The following INTS9 variants were observed in gnomAD, a reference collection of about 807,000 sequenced individuals.
The protein encoded by INTS9 is integrator complex subunit 9.
Under a neutral mutation model 79.7 loss-of-function variants are expected in INTS9, and 55 were observed. The ratio of observed to expected loss-of-function variants is 0.69; its 90% confidence interval spans 0.56 to 0.86. INTS9 has a LOEUF of 0.86. INTS9 is among the 40% of genes least tolerant of loss of function. The probability of loss-of-function intolerance (pLI) is 0.00; values close to 1 mark genes in which losing one functional copy is unlikely to be tolerated. For synonymous variants in INTS9, 319 were observed against 325.2 expected (o/e 0.98, Z 0.20); for missense variants, 721 against 831.5 (o/e 0.87, Z 1.64).
intron 4 of INTS9, among the ~76,000 whole-genome samples, chr8:28,845,396 T>C (rs1228207965): frequency 6.6e-6 from 1 of 152,220 alleles, no homozygotes; most frequent in African/African-American, 2.4e-5. Context: ...CTATTACTAA[T>C]TTGTGCCCTA....
chr8:28,877,097 C>T (rs1373910599), intron 1 of INTS9, among the ~76,000 whole-genome samples: 2 of 151,936 alleles, frequency 1.3e-5, no homozygotes, highest in African/African-American at 4.8e-5. Flanking sequence ...TAAATTTATA[C>T]AAAATGTAAA....
chr8:28,775,316 C>T (rs747004530), intron 14 of INTS9, among the ~76,000 whole-genome samples: 7 of 152,124 alleles, frequency 4.6e-5, no homozygotes, highest in African/African-American at 7.2e-5. Context: ...CCCCTCTTCC[C>T]GGTTACTTGG....
intron 10 of INTS9, 111 bp from the exon 11 acceptor site, chr8:28,788,000 T>C (rs1585353598): frequency 3.5e-6 from 2 of 564,334 alleles, no homozygotes; most frequent in Non-Finnish European, 6.1e-6. Context: ...TTTAAAAATT[T>C]CCCGCCAGTG....
chr8:28,865,486 A>AG (rs1371439557), intron 1 of INTS9, among the ~76,000 whole-genome samples: 1 of 152,074 alleles, frequency 6.6e-6, no homozygotes, highest in East Asian at 1.9e-4. Context: ...AAAAAAAAAA[A>AG]AAGTAAAATT....
chr8:28,769,111 C>T (rs1802378347), intron 16 of INTS9, among the ~76,000 whole-genome samples: 1 of 152,166 alleles, frequency 6.6e-6, no homozygotes. Context: ...GAGCCTTTTT[C>T]CCTACGGGAA....
At chr8:28,775,616 T>TGA (rs1802818306) in intron 14 of INTS9, 143 bp downstream of exon 14, 14 of 903,834 alleles carry the variant, frequency 1.5e-5, no homozygotes, top group Non-Finnish European at 1.8e-5. Context: ...CCGCCCAAAG[T>TGA]GCTGGGATTA....
intron 6 of INTS9, among the ~76,000 whole-genome samples, chr8:28,827,482 A>C (rs1351240923): frequency 6.6e-6 from 1 of 152,232 alleles, no homozygotes; most frequent in Non-Finnish European, 1.5e-5. Flanking sequence ...GAACAAAATT[A>C]ATGTAAGGAC....
At chr8:28,778,613 G>C (rs370593194) in intron 12 of INTS9, among the ~76,000 whole-genome samples, 2 of 152,204 alleles carry the variant, frequency 1.3e-5, no homozygotes, top group Non-Finnish European at 2.9e-5. Context: ...CTCGCCCTCT[G>C]CTCAGCCTGT....
chr8:28,840,032 A>C (rs1432352312), intron 4 of INTS9, among the ~76,000 whole-genome samples: 2 of 145,656 alleles, frequency 1.4e-5, no homozygotes, highest in African/African-American at 5.1e-5. Context: ...AAATTTTCGC[A>C]ACCTACTCAT....
chr8:28,871,439 CTA>C (rs1809089417), intron 1 of INTS9, among the ~76,000 whole-genome samples: 1 of 152,138 alleles, frequency 6.6e-6, no homozygotes, highest in South Asian at 2.1e-4. Flanking sequence ...GGGTCTCACT[CTA>C]TTGCCCAGGC....
In INTS9 at chr8:28,813,515, G is replaced by A. The variant is rs758336516; in HGVS notation, c.586C>T (p.Leu196=). ...EVNSALSKIQ[L]VGYSQKIELF... is the part of the protein sequence containing the mutation. ...ACAATTTTCTGAGAATATCCCACCA[G>A]CTGGATTTTACTAAGGGCAGAGTTC... The change falls in exon 7 of 17, where the codon CTG becomes TTG. Residue 196 remains leucine, a synonymous_variant. Coordinates refer to ENST00000521022, the MANE Select transcript of INTS9 (RefSeq NM_018250.4). 1 of 1,613,412 alleles carries A rather than the reference G, an allele frequency of 6.2e-7. No individual in the cohort carries two copies. Among genetic ancestry groups the A allele is most frequent in the Non-Finnish European group, 8.5e-7 (1 of 1,179,488 alleles).
intron 8 of INTS9, chr8:28,797,121 C>T (rs1347764097): frequency 6.4e-6 from 1 of 155,054 alleles, no homozygotes; most frequent in Non-Finnish European, 1.4e-5. Context: ...GTTTCAGATT[C>T]AGGTTGGGGT....
intron 2 of INTS9, among the ~76,000 whole-genome samples, chr8:28,854,243 C>T (rs1339019852): frequency 6.6e-6 from 1 of 152,024 alleles, no homozygotes; most frequent in Non-Finnish European, 1.5e-5. Flanking sequence ...TCCATTCATT[C>T]ATTTATTCAA....
chr8:28,835,427 A>C, intron 5 of INTS9, 49 bp from the exon 6 acceptor site: 1 of 1,353,854 alleles, frequency 7.4e-7, no homozygotes, highest in Non-Finnish European at 1.1e-6. Flanking sequence ...AAATTAGAGA[A>C]ACACCCCATA....
Position 28,881,100 on chromosome 8 carries a change from C to T in INTS9, c.9+8774G>A, listed in dbSNP as rs1364731854. Among the ~76,000 whole-genome samples the T allele has an allele frequency of 1.7e-4, 21 of 124,856 alleles. No homozygotes were observed. In the East Asian group the frequency reaches 5.4e-3, roughly 32 times the overall value. 81.9% of individuals were successfully genotyped at this position (124,856 alleles called of 152,430 possible). ...GGAAGTGAGGAGCGTCTCCGCCCGG[C>T]AGCCACCCCGTCCGGGAGGGAGGTG... On this transcript the variant is annotated intron_variant, in intron 1 of 16. Coordinates refer to ENST00000521022, the MANE Select transcript of INTS9 (RefSeq NM_018250.4).
intron 6 of INTS9, among the ~76,000 whole-genome samples, chr8:28,824,803 T>G (rs1225342581): frequency 6.6e-6 from 1 of 152,222 alleles, no homozygotes; most frequent in Non-Finnish European, 1.5e-5. Context: ...AGTCTAGGTT[T>G]ACATCTGGGA....
intron 6 of INTS9, among the ~76,000 whole-genome samples, chr8:28,815,428 A>C (rs1040828786): frequency 2.0e-5 from 3 of 152,218 alleles, no homozygotes; most frequent in African/African-American, 7.2e-5. Context: ...GGAAATGAAG[A>C]CTAAACTACA....
intron 8 of INTS9, among the ~76,000 whole-genome samples, chr8:28,804,063 A>G (rs1804669222): frequency 6.6e-6 from 1 of 152,130 alleles, no homozygotes; most frequent in African/African-American, 2.4e-5. Context: ...AGCTGGGACC[A>G]CAGGTATGTG....
chr8:28,783,142 CAAAAAAAAAAA>C (rs559306996), intron 11 of INTS9, among the ~76,000 whole-genome samples: 14,089 of 111,968 alleles, frequency 0.13, 948 homozygotes, highest in Middle Eastern at 0.2. Context: ...GACTCCGTCT[CAAAAAAAAAAA>C]AAAAAAAAAA....
Sources: gnomAD v4.1 joint callset for allele counts (sites outside exome capture counted in the v4.1 genomes callset) on GRCh38, gnomAD v4.1.1 for gene constraint, MANE v1.5 for transcripts, NCBI Gene and HGNC (gene_info 2026-07-23, HGNC 2026-07-21) for gene names.